STOM: variants seen among roughly 807,000 people sequenced by gnomAD.
STOM encodes the protein erythrocyte band 7 integral membrane protein.
Under a neutral mutation model 30.6 loss-of-function variants are expected in STOM, and 25 were observed. The observed-to-expected ratio is 0.82, with a 90% CI of 0.60 to 1.14. The LOEUF is 1.14. STOM is among the 50% of genes most tolerant of loss of function. The pLI, the probability that STOM is intolerant of heterozygous loss-of-function variation, is 0.00. For synonymous variants in STOM, 118 were observed against 130.8 expected, an observed-to-expected ratio of 0.90 and a Z score of 0.67; for missense variants, 292 against 365.2, an observed-to-expected ratio of 0.80 and a Z score of 1.63.
At chr9:121,361,380 CTTTTTTTTTT>C (rs5900482) in intron 1 of STOM, among the ~76,000 whole-genome samples, 28 of 41,104 alleles carry the variant, frequency 6.8e-4, no homozygotes, top group African/African-American at 1.8e-3. Context: ...CACTTGTGGA[CTTTTTTTTTT>C]TTTTTTTTTT....
chr9:121,345,835 G>A (rs994064459), intron 6 of STOM, among the ~76,000 whole-genome samples: 1 of 152,222 alleles, frequency 6.6e-6, no homozygotes, highest in Non-Finnish European at 1.5e-5. Flanking sequence ...AGGAGGCAAT[G>A]AGGAGCAGAG....
intron 1 of STOM, among the ~76,000 whole-genome samples, chr9:121,360,038 T>G (rs547786914): frequency 6.6e-6 from 1 of 152,360 alleles, no homozygotes; most frequent in Non-Finnish European, 1.5e-5. Context: ...TGACAGCATT[T>G]GGTGCCTTTT....
chr9:121,356,243 A>C, intron 1 of STOM, 87 bp from the exon 2 acceptor site: 1 of 1,125,878 alleles, frequency 8.9e-7, no homozygotes. Flanking sequence ...CTGAATACCT[A>C]TGTGCTTGGC....
At chr9:121,351,294 G>T (rs1490151762) in intron 4 of STOM, among the ~76,000 whole-genome samples, 1 of 152,252 alleles carries the variant, frequency 6.6e-6, no homozygotes, top group Non-Finnish European at 1.5e-5. Flanking sequence ...AACACACAGA[G>T]AATACAGTGA....
At position 121,339,458 on chromosome 9, in the gene STOM, C is replaced by T; in HGVS notation, c.*1744G>A. On this transcript the variant is annotated 3_prime_UTR_variant, in exon 7 of 7. Transcript: ENST00000286713. ...TACCTCTAATAAACTCAGCTAGGAG[C>T]CAGGATACATGGTAGTTCAAGGCTT... is the stretch of plus-strand genomic sequence containing the variant. 1 of 1,068,248 alleles carries T rather than the reference C, an allele frequency of 9.4e-7. No homozygotes were observed. Among genetic ancestry groups the T allele is most frequent in the Non-Finnish European group, 1.2e-6 (1 of 843,134 alleles). 66.2% of individuals were successfully genotyped at this position (1,068,248 alleles called of 1,614,324 possible).
rs546533311 is a variant in STOM at position 121,361,845 on chromosome 9, G to T, written c.62-5689C>A. ...GGAAGACAATTTTTCCACAGGAAAG[G>T]GTTGGGGAACATGGTTTTGGGATGA... On this transcript the variant is annotated intron_variant, in intron 1 of 6. Transcript: ENST00000286713. Among the ~76,000 whole-genome samples the T allele has an allele frequency of 3.3e-5, 5 of 152,128 alleles. No individual in the cohort carries two copies. The South Asian group carries it at 1.0e-3, about 31-fold the overall frequency.
chr9:121,339,539 G>A lies in STOM; in HGVS notation c.*1663C>T. 1 of 1,229,992 alleles carries A rather than the reference G, an allele frequency of 8.1e-7. No homozygotes were observed. The highest frequency in any genetic ancestry group is 3.2e-5 in the East Asian group (1 of 31,614). The allele number at this position is 1,229,992 out of a possible 1,614,324, so 76.2% of individuals were successfully genotyped here. A position where few individuals can be genotyped will look rare whatever the true frequency, so the allele number is the denominator to read the frequency against. On this transcript the variant is annotated 3_prime_UTR_variant, in exon 7 of 7. Coordinates refer to ENST00000286713, the MANE Select transcript of STOM (RefSeq NM_004099.6). ...GGAAGGGACATCCATTGGCTGGATG[G>A]ACAGAGTGGTTGAGCTAAAGAGAGC...
In STOM at chr9:121,340,521, G is replaced by T; in HGVS notation, c.*681C>A. On this transcript the variant is annotated 3_prime_UTR_variant, in exon 7 of 7. Coordinates refer to ENST00000286713, the MANE Select transcript of STOM (RefSeq NM_004099.6). ...GGAGGCAGAGGTGGGTGGATCACCT[G>T]AGGTTAGGAGTTCGTGACTAGCCTG... 1 of 872,826 alleles carries T rather than the reference G, an allele frequency of 1.1e-6. No homozygotes were observed. Among genetic ancestry groups the T allele is most frequent in the Non-Finnish European group, 1.4e-6 (1 of 727,364 alleles). The allele number at this position is 872,826 out of a possible 1,614,324, so 54.1% of individuals were successfully genotyped here.
At chr9:121,348,465 G>C (rs1211518991) in intron 5 of STOM, among the ~76,000 whole-genome samples, 1 of 152,198 alleles carries the variant, frequency 6.6e-6, no homozygotes. Flanking sequence ...ATAAATGGCT[G>C]TGGCTATACT....
chr9:121,342,509 A>G (rs1194317467), intron 6 of STOM, among the ~76,000 whole-genome samples: 1 of 152,206 alleles, frequency 6.6e-6, no homozygotes, highest in Non-Finnish European at 1.5e-5. Context: ...AAAATAATTC[A>G]TGACAAAATG....
At chr9:121,353,815 C>T (rs553699023) in intron 3 of STOM, among the ~76,000 whole-genome samples, 6 of 152,210 alleles carry the variant, frequency 3.9e-5, no homozygotes, top group Non-Finnish European at 7.4e-5. Flanking sequence ...TTGCTATTTC[C>T]GCCGCAAACA....
intron 4 of STOM, among the ~76,000 whole-genome samples, chr9:121,350,395 T>C (rs2064328875): frequency 6.6e-6 from 1 of 152,244 alleles, no homozygotes; most frequent in Non-Finnish European, 1.5e-5. Context: ...TGTAGTGACA[T>C]TATTTATTCA....
At chr9:121,353,949 C>T (rs1589292490) in intron 3 of STOM, among the ~76,000 whole-genome samples, 2 of 152,314 alleles carry the variant, frequency 1.3e-5, no homozygotes, top group Admixed American at 1.3e-4. Flanking sequence ...TCTTTTCTCA[C>T]AGCTCTCTGT....
At chr9:121,357,658 G>A (rs2064407883) in intron 1 of STOM, among the ~76,000 whole-genome samples, 1 of 151,658 alleles carries the variant, frequency 6.6e-6, no homozygotes, top group Non-Finnish European at 1.5e-5. Flanking sequence ...GGCTGGCCTC[G>A]AACTCCTGAC....
At chr9:121,352,242 C>T (rs934768295) in intron 4 of STOM, among the ~76,000 whole-genome samples, 2 of 152,158 alleles carry the variant, frequency 1.3e-5, no homozygotes, top group African/African-American at 4.8e-5. Context: ...ATACTTAACA[C>T]AATGTAAATA....
At chr9:121,361,469 A>T (rs1190676582) in intron 1 of STOM, among the ~76,000 whole-genome samples, 3 of 143,180 alleles carry the variant, frequency 2.1e-5, no homozygotes, top group Non-Finnish European at 4.5e-5. Context: ...GCTCACTGCA[A>T]GCTCTGCCCC....
intron 1 of STOM, chr9:121,366,001 T>A (rs1228723683): frequency 1.9e-6 from 1 of 532,248 alleles, no homozygotes. Context: ...GTCAGAGTTC[T>A]AAATGTTCTT....
chr9:121,363,029 A>G (rs990581656), intron 1 of STOM, among the ~76,000 whole-genome samples: 1 of 152,214 alleles, frequency 6.6e-6, no homozygotes, highest in Non-Finnish European at 1.5e-5. Flanking sequence ...CTGAGATTTT[A>G]TTATTGTAAA....
At chr9:121,361,370 C>T (rs1358488738) in intron 1 of STOM, among the ~76,000 whole-genome samples, 2 of 140,656 alleles carry the variant, frequency 1.4e-5, no homozygotes, top group African/African-American at 5.2e-5. Context: ...TTGGTTAATA[C>T]ACTTGTGGAC....
Sources: gnomAD v4.1 joint callset for allele counts (sites outside exome capture counted in the v4.1 genomes callset) on GRCh38, gnomAD v4.1.1 for gene constraint, MANE v1.5 for transcripts, NCBI Gene and HGNC (gene_info 2026-07-23, HGNC 2026-07-21) for gene names.